The following CACNA1C variants were observed in gnomAD, a reference collection of about 807,000 sequenced individuals.
CACNA1C encodes the protein calcium voltage-gated channel subunit alpha1 C, also known as voltage-dependent L-type calcium channel subunit alpha-1C.
CACNA1C carries 30 observed loss-of-function variants against 229.0 expected under a neutral mutation model. The observed-to-expected ratio is 0.13, with a 90% CI of 0.10 to 0.18. The LOEUF (loss-of-function observed/expected upper bound fraction) is 0.18, where lower values mean the gene tolerates loss of function less well. CACNA1C is among the 10% of genes least tolerant of loss of function. The probability of loss-of-function intolerance (pLI) is 1.00; values close to 1 mark genes in which losing one functional copy is unlikely to be tolerated. For missense variants in CACNA1C, 1,658 were observed against 2,845.0 expected (o/e 0.58, Z 9.49); for synonymous variants, 1,114 against 1,132.5 (o/e 0.98, Z 0.33).
chr12:2,005,807 T>A (rs1358544687), intron 1 of CACNA1C, among the ~76,000 whole-genome samples: 5 of 152,256 alleles, frequency 3.3e-5, no homozygotes, highest in Non-Finnish European at 7.3e-5. Context: ...AATGGATTTT[T>A]AATGTAACAG....
rs535608443 is a variant in CACNA1C, at chr12:2,115,272, A to G, written c.98A>G (p.Asn33Ser). 5.8e-5 allele frequency: 92 copies of G among 1,591,964 alleles called. No individual in the cohort carries two copies. The highest frequency in any genetic ancestry group is 1.1e-4 in the East Asian group (5 of 43,708). The change falls in exon 2 of 47, where the codon AAT (asparagine) becomes AGT (serine). Residue 33 changes from asparagine to serine, a missense_variant. Physicochemically the swap from Asn to Ser is conservative, Grantham distance 46 (BLOSUM62 1). Coordinates refer to ENST00000399655, the MANE Select transcript of CACNA1C (RefSeq NM_000719.7). ...PRPAHANMNA[N>S]AAAGLAPEHI... Reference sequence around the variant, plus strand: ...CCCGCCCATGCCAACATGAATGCCAATGCGGCAGCGGGGCTGGCCCCTGAG... The same window carrying G: ...CCCGCCCATGCCAACATGAATGCCAGTGCGGCAGCGGGGCTGGCCCCTGAG...
intron 9 of CACNA1C, among the ~76,000 whole-genome samples, chr12:2,535,392 A>G (rs2099850979): frequency 2.0e-5 from 3 of 150,664 alleles, no homozygotes; most frequent in Non-Finnish European, 3.0e-5. Flanking sequence ...CTGTCTCAAA[A>G]AAAGAAAAAG....
intron 30 of CACNA1C, among the ~76,000 whole-genome samples, chr12:2,645,560 G>A (rs1256221296): frequency 6.6e-6 from 1 of 152,280 alleles, no homozygotes; most frequent in Non-Finnish European, 1.5e-5. Flanking sequence ...TCTCAGCAGG[G>A]GATTCATTTG....
chr12:2,146,460 G>A (rs1028598337), intron 3 of CACNA1C, among the ~76,000 whole-genome samples: 2 of 151,210 alleles, frequency 1.3e-5, no homozygotes, highest in Admixed American at 1.3e-4. Context: ...ATACATTTTG[G>A]TTGAGGAGTC....
At chr12:2,645,038 C>T (rs532842050) in intron 30 of CACNA1C, among the ~76,000 whole-genome samples, 1 of 152,256 alleles carries the variant, frequency 6.6e-6, no homozygotes, top group South Asian at 2.1e-4. Context: ...ATTACGTGAA[C>T]AAATTAAGTT....
intron 3 of CACNA1C, among the ~76,000 whole-genome samples, chr12:2,255,837 GTTTACAATCACAGGATCCTGACCTGA>G (rs2077329644): frequency 6.6e-6 from 1 of 152,280 alleles, no homozygotes; most frequent in Admixed American, 6.5e-5. Context: ...GACCTTACTA[GTTTACAATCACAGGATCCTGACCTGA>G]CTAGTTTACA....
chr12:2,027,468 C>T (rs2047530963), intron 1 of CACNA1C, among the ~76,000 whole-genome samples: 1 of 152,192 alleles, frequency 6.6e-6, no homozygotes, highest in Admixed American at 6.5e-5. Flanking sequence ...TATCTTTATG[C>T]TGCGGCTGCT....
chr12:2,408,217 T>C (rs932481926), intron 3 of CACNA1C, among the ~76,000 whole-genome samples: 12 of 152,166 alleles, frequency 7.9e-5, no homozygotes, highest in African/African-American at 2.9e-4. Flanking sequence ...AAGAGTAGAA[T>C]TGTAGTTTCC....
intron 3 of CACNA1C, among the ~76,000 whole-genome samples, chr12:2,413,844 G>C: frequency 6.6e-6 from 1 of 152,188 alleles, no homozygotes; most frequent in East Asian, 1.9e-4. Flanking sequence ...TCCCGTTCCT[G>C]AGCTAGAGGT....
At chr12:2,135,471 A>G (rs1425773881) in intron 3 of CACNA1C, among the ~76,000 whole-genome samples, 4 of 136,460 alleles carry the variant, frequency 2.9e-5, no homozygotes, top group South Asian at 2.3e-4. Flanking sequence ...ATGGTGATGT[A>G]CAGATGGGTT....
chr12:2,160,650 C>A (rs766570356), intron 3 of CACNA1C, among the ~76,000 whole-genome samples: 2 of 152,230 alleles, frequency 1.3e-5, no homozygotes, highest in Non-Finnish European at 2.9e-5. Flanking sequence ...ATGCTGGGAT[C>A]TCATAACAGG....
chr12:2,040,566 C>A (rs2049912303), intron 1 of CACNA1C, among the ~76,000 whole-genome samples: 2 of 152,192 alleles, frequency 1.3e-5, no homozygotes. Context: ...TTCTGAAGAA[C>A]TGGTTTTAAG....
chr12:2,584,260 C>A lies in CACNA1C; in HGVS notation c.2225-243C>A, dbSNP rs986867245. ...AAGGCAGGGCTTGCTGCCTCCCTCC[C>A]GCCTGCTCCAGTGTGCAGGCTAGCC... On this transcript the variant is annotated intron_variant, in intron 15 of 46. Transcript: ENST00000399655. Among the ~76,000 whole-genome samples the A allele has an allele frequency of 6.6e-6, 1 of 152,222 alleles. No individual in the cohort carries two copies. Among genetic ancestry groups the A allele is most frequent in the Non-Finnish European group, 1.5e-5 (1 of 68,036 alleles).
chr12:2,332,639 G>A (rs561789617), intron 3 of CACNA1C, among the ~76,000 whole-genome samples: 17 of 152,338 alleles, frequency 1.1e-4, no homozygotes, highest in African/African-American at 4.1e-4. Flanking sequence ...AAATATTGGA[G>A]ACAATTTAAA....
At chr12:2,583,713 A>G (rs1384728647) in intron 15 of CACNA1C, among the ~76,000 whole-genome samples, 3 of 152,230 alleles carry the variant, frequency 2.0e-5, no homozygotes, top group African/African-American at 7.2e-5. Context: ...CAATGGAATC[A>G]TAGAACCTAC....
chr12:2,666,480 A>G lies in CACNA1C; in HGVS notation c.4527-206A>G. ...TAGCATGGGCAGAAAATGATTCATT[A>G]AAATCTAAACACGTGTATATGTATA... On this transcript the variant is annotated intron_variant, in intron 36 of 46. Coordinates refer to ENST00000399655, the MANE Select transcript of CACNA1C (RefSeq NM_000719.7). This position sits in a 1 kb window ranked among gnomAD's most constrained non-coding sequence, Gnocchi z 5.3. The G allele has an allele frequency of 2.2e-6, 1 of 452,172 alleles. No individual in the cohort carries two copies. 28.0% of individuals were successfully genotyped at this position (452,172 alleles called of 1,614,324 possible).
At chr12:2,613,219 A>T (rs1602106446) in intron 29 of CACNA1C, 1 of 152,344 alleles carries the variant, frequency 6.6e-6, no homozygotes, top group South Asian at 2.1e-4. Context: ...CATGTATATC[A>T]TCGCACGTCA....
intron 22 of CACNA1C, among the ~76,000 whole-genome samples, chr12:2,604,189 T>C (rs1270340494): frequency 6.6e-6 from 1 of 152,212 alleles, no homozygotes; most frequent in African/African-American, 2.4e-5. Flanking sequence ...GAAACGGGGT[T>C]CTGGGTTCTG....
At chr12:1,977,645 G>A (rs928864217) in intron 1 of CACNA1C, among the ~76,000 whole-genome samples, 4 of 152,174 alleles carry the variant, frequency 2.6e-5, no homozygotes, top group Non-Finnish European at 2.9e-5. Flanking sequence ...CCCATAAGGG[G>A]CCTGTAATTT....
Sources: allele counts gnomAD v4.1 joint callset (sites outside exome capture counted in the v4.1 genomes callset), GRCh38; gene constraint gnomAD v4.1.1; non-coding constraint Gnocchi (gnomAD v3.1); transcripts MANE v1.5; gene names NCBI Gene and HGNC (gene_info 2026-07-23, HGNC 2026-07-21).